Variants in MPDZ observed in about 807,000 individuals in gnomAD.
MPDZ encodes multiple PDZ domain crumbs cell polarity complex component, also known as multiple PDZ domain protein.
Under a neutral mutation model 239.1 loss-of-function variants are expected in MPDZ, and 234 were observed. The observed-to-expected ratio is 0.98, with a 90% CI of 0.88 to 1.09. The LOEUF (loss-of-function observed/expected upper bound fraction) is 1.09. MPDZ is among the 50% of genes least tolerant of loss of function. The pLI is 0.00. For synonymous variants in MPDZ, 1,048 were observed against 881.3 expected (o/e 1.19, Z -3.35); for missense variants, 3,175 against 2,510.0 (o/e 1.26, Z -5.66).
chr9:13,215,729 G>C (rs1056582349), intron 10 of MPDZ, among the ~76,000 whole-genome samples: 1 of 140,864 alleles, frequency 7.1e-6, no homozygotes, highest in Non-Finnish European at 1.5e-5. Flanking sequence ...AGGTAAAACA[G>C]ATAAACAGGT....
chr9:13,126,661 CA>C lies in MPDZ; in HGVS notation c.4557+18del. On this transcript the variant is annotated intron_variant, in intron 33 of 46. Transcript: ENST00000319217. ...TCCCTCCCCAACTACTTAATGACAGCAAGAAAGGTAAACCTCACCGTGGCTG... is the reference window on the plus strand; with the variant it reads ...TCCCTCCCCAACTACTTAATGACAGCAGAAAGGTAAACCTCACCGTGGCTG... The C allele has an allele frequency of 6.2e-7, 1 of 1,612,792 alleles. No individual in the cohort carries two copies. Among genetic ancestry groups the C allele is most frequent in the East Asian group, 2.2e-5 (1 of 44,850 alleles).
chr9:13,184,998 G>A (rs1563981561), intron 18 of MPDZ, among the ~76,000 whole-genome samples: 1 of 152,108 alleles, frequency 6.6e-6, no homozygotes, highest in East Asian at 1.9e-4. Flanking sequence ...TAGAGAGAAT[G>A]CTATTTCGTC....
At chr9:13,121,204 T>G (rs1002521574) in intron 38 of MPDZ, among the ~76,000 whole-genome samples, 2 of 152,156 alleles carry the variant, frequency 1.3e-5, no homozygotes, top group African/African-American at 4.8e-5. Flanking sequence ...CTCCCTACAA[T>G]ATCTTCCACT....
chr9:13,114,025 C>G lies in MPDZ; in HGVS notation c.5467-4G>C. On this transcript the variant is annotated splice_polypyrimidine_tract_variant and splice_region_variant and intron_variant, in intron 40 of 46. Transcript: ENST00000319217. ...ATGACAGGCTGCCTTCACTCACCTA[C>G]AAATATACAACAATTATTTCAGAAG... 6.3e-7 allele frequency: 1 copy of G among 1,581,158 alleles called. No homozygotes were observed. The highest frequency in any genetic ancestry group is 8.6e-7 in the Non-Finnish European group (1 of 1,161,534).
chr9:13,167,160 G>T (rs1208103620), intron 22 of MPDZ, among the ~76,000 whole-genome samples: 2 of 152,044 alleles, frequency 1.3e-5, no homozygotes, highest in African/African-American at 4.8e-5. Flanking sequence ...ATCTAGTCAT[G>T]GAACACTGGC....
At chr9:13,192,379 AT>A in intron 14 of MPDZ, 84 bp from the exon 15 acceptor site, 2 of 1,212,790 alleles carry the variant, frequency 1.6e-6, no homozygotes, top group Non-Finnish European at 1.2e-6. Flanking sequence ...TTAAATATAA[AT>A]TTTACTATAG....
At chr9:13,114,066 T>C in intron 40 of MPDZ, 45 bp from the exon 41 acceptor site, 8 of 1,404,520 alleles carry the variant, frequency 5.7e-6, no homozygotes, top group Non-Finnish European at 7.9e-6. Flanking sequence ...GCAAGTAACA[T>C]ACTCCCTAAA....
In MPDZ at chr9:13,224,002, CCAGTGTGGGTGA is replaced by C. The variant is rs1037840501; in HGVS notation, c.394-304_394-293del. 8.3e-4 allele frequency among the ~76,000 whole-genome samples: 126 copies of C among 152,016 alleles called. 2 individuals carry two copies. Among genetic ancestry groups the C allele is most frequent in the African/African-American group, 2.5e-3 (104 of 41,502 alleles). ...TGAGCTATGATCACAACACTGCACTCCAGTGTGGGTGACAGAGCAAGGCATGTCTCAAAAAAA... is the reference window on the plus strand; with the variant it reads ...TGAGCTATGATCACAACACTGCACTCCAGAGCAAGGCATGTCTCAAAAAAA... On this transcript the variant is annotated intron_variant, in intron 4 of 46. Coordinates refer to ENST00000319217, the MANE Select transcript of MPDZ (RefSeq NM_001378778.1).
intron 1 of MPDZ, among the ~76,000 whole-genome samples, chr9:13,273,658 A>G (rs1973522084): frequency 6.6e-6 from 1 of 152,212 alleles, no homozygotes; most frequent in South Asian, 2.1e-4. Context: ...CACATATGTA[A>G]TTTTGTCTGT....
intron 3 of MPDZ, among the ~76,000 whole-genome samples, chr9:13,239,821 G>GCA (rs1964950812): frequency 1.3e-5 from 2 of 152,084 alleles, no homozygotes; most frequent in South Asian, 4.1e-4. Context: ...TTTTATGCTT[G>GCA]TTAAGAACAA....
intron 34 of MPDZ, among the ~76,000 whole-genome samples, chr9:13,126,228 T>G (rs970078259): frequency 3.3e-5 from 5 of 152,196 alleles, no homozygotes. Context: ...ATTTTGGCAC[T>G]AACAGTCACT....
In MPDZ at chr9:13,123,168, A is replaced by G. The variant is rs2131667039; in HGVS notation, c.4938T>C (p.Gly1646=). Residue 1646 remains glycine, a synonymous_variant, in exon 36 of 47, where the codon GGT becomes GGC. Coordinates refer to ENST00000319217, the MANE Select transcript of MPDZ (RefSeq NM_001378778.1). The stretch of plus-strand genomic sequence containing the variant: ...TGGTGCTCACCAGCAGCGTGTCTGA[A>G]CCCCCAACGATGCTCAGGCCCAGCC... ...RTGLGLSIVG[G]SDTLLGAIII... is the part of the protein sequence containing the mutation. The G allele has an allele frequency of 2.5e-6, 4 of 1,611,992 alleles. No individual in the cohort carries two copies. The highest frequency in any genetic ancestry group is 2.2e-5 in the East Asian group (1 of 44,840).
rs1951364996 is a variant in MPDZ, at chr9:13,168,453, G to C, written c.3167C>G (p.Ser1056Cys). The change falls in exon 22 of 47, where the codon TCC becomes TGC. Residue 1056 changes from serine (S) to cysteine (C), a missense_variant. By Grantham distance (112) the Ser-to-Cys change is moderately radical. Coordinates refer to ENST00000319217, the MANE Select transcript of MPDZ (RefSeq NM_001378778.1). Reference sequence around the variant, plus strand: ...ACTGATGGTAGACTCTTCATTAATGGACAAGATGCAGTCCCCAATGGCAAT... The same window carrying C: ...ACTGATGGTAGACTCTTCATTAATGCACAAGATGCAGTCCCCAATGGCAAT... ...GRIAIGDCIL[S>C]INEESTISVT... The C allele has an allele frequency of 2.5e-6, 4 of 1,613,510 alleles. No homozygotes were observed. Among genetic ancestry groups the C allele is most frequent in the African/African-American group, 1.3e-5 (1 of 75,002 alleles).
chr9:13,171,473 AGTCT>A (rs1159140863), intron 21 of MPDZ, among the ~76,000 whole-genome samples: 1 of 152,136 alleles, frequency 6.6e-6, no homozygotes, highest in Non-Finnish European at 1.5e-5. Context: ...GAAACTCCTG[AGTCT>A]GTCTATGTTT....
At chr9:13,146,585 G>C (rs1390537676) in intron 26 of MPDZ, among the ~76,000 whole-genome samples, 1 of 151,990 alleles carries the variant, frequency 6.6e-6, no homozygotes, top group Non-Finnish European at 1.5e-5. Context: ...AATTCAAAGA[G>C]AATCACTATG....
At chr9:13,260,628 T>C (rs1184316888) in intron 1 of MPDZ, among the ~76,000 whole-genome samples, 2 of 152,090 alleles carry the variant, frequency 1.3e-5, no homozygotes, top group African/African-American at 4.8e-5. Flanking sequence ...TAAATGAGGA[T>C]ATAAGGGTGG....
chr9:13,117,302 T>C (rs552081600), intron 39 of MPDZ, among the ~76,000 whole-genome samples: 13 of 152,190 alleles, frequency 8.5e-5, no homozygotes, highest in South Asian at 2.1e-4. Context: ...GAGGCCGAGA[T>C]GGGTGGATCA....
chr9:13,147,613 CCA>C lies in MPDZ; in HGVS notation c.3674_3675del (p.Val1225GlyfsTer36). On this transcript the variant is annotated frameshift_variant, in exon 26 of 47. Coordinates refer to ENST00000319217, the MANE Select transcript of MPDZ (RefSeq NM_001378778.1). LOFTEE classifies it high-confidence loss of function. Reference protein sequence around the residue: ...DLRDASHEQAVEAIRKAGNPV... With the variant: ...DLRDASHEQAXEAIRKAGNPV... ...GGGTTGCCTGCTTTCCGAATGGCTT[CCA>C]CAGCTTGTTCATGGCTTGCATCTCT... The C allele has an allele frequency of 6.2e-7, 1 of 1,612,380 alleles. No individual in the cohort carries two copies. The highest frequency in any genetic ancestry group is 2.2e-5 in the East Asian group (1 of 44,848).
chr9:13,122,587 C>A (rs1252462083), intron 36 of MPDZ, among the ~76,000 whole-genome samples: 3 of 149,940 alleles, frequency 2.0e-5, no homozygotes, highest in African/African-American at 7.4e-5. Context: ...GTGGTGCGAT[C>A]TCAGCTCACT....
Sources: gnomAD v4.1 joint callset for allele counts (sites outside exome capture counted in the v4.1 genomes callset) on GRCh38, gnomAD v4.1.1 for gene constraint, MANE v1.5 for transcripts, NCBI Gene and HGNC (gene_info 2026-07-23, HGNC 2026-07-21) for gene names.